The following CALN1 variants were observed in gnomAD, a reference collection of about 807,000 sequenced individuals.
CALN1 encodes the protein calneuron 1, also known as calcium-binding protein 8.
CALN1 carries 17 observed loss-of-function variants against 30.6 expected under a neutral mutation model. That is an observed-to-expected ratio of 0.56 (90% CI 0.38 to 0.83). The LOEUF (loss-of-function observed/expected upper bound fraction) is 0.83. Among genes scored for constraint, CALN1 ranks in the 40% least tolerant of loss-of-function variants. The probability of loss-of-function intolerance (pLI) is 0.00; values close to 1 mark genes in which losing one functional copy is unlikely to be tolerated. For synonymous variants in CALN1, 156 were observed against 131.4 expected (o/e 1.19, Z -1.28); for missense variants, 291 against 354.9 (o/e 0.82, Z 1.45).
chr7:72,041,970 T>C (rs1802159541), intron 4 of CALN1, among the ~76,000 whole-genome samples: 1 of 152,140 alleles, frequency 6.6e-6, no homozygotes, highest in Non-Finnish European at 1.5e-5. Context: ...CTATTTCCTT[T>C]ATAAATTACC....
intron 3 of CALN1, among the ~76,000 whole-genome samples, chr7:72,203,875 G>A (rs541839104): frequency 6.0e-5 from 9 of 151,188 alleles, no homozygotes; most frequent in African/African-American, 1.9e-4. Flanking sequence ...AAGCCAGGGG[G>A]TAAAATATAC....
In CALN1 at chr7:72,203,864, A is replaced by G. The variant is rs944299918; in HGVS notation, c.244+74822T>C. Among the ~76,000 whole-genome samples the G allele has an allele frequency of 5.9e-5, 9 of 152,242 alleles. No individual in the cohort carries two copies. In the South Asian group the frequency reaches 1.0e-3, roughly 18 times the overall value. On this transcript the variant is annotated intron_variant, in intron 3 of 6. Transcript: ENST00000395275. ...ACTAGCCCAATGCAGAAGATATACA[A>G]AAGCCAGGGGGTAAAATATACCCAT...
At chr7:72,177,750 G>GA (rs1789466276) in intron 3 of CALN1, among the ~76,000 whole-genome samples, 1 of 38,600 alleles carries the variant, frequency 2.6e-5, no homozygotes. Flanking sequence ...GGGCGACAGA[G>GA]GGAAAAAAAA....
At chr7:71,868,870 A>T (rs992904644) in intron 5 of CALN1, among the ~76,000 whole-genome samples, 4 of 152,182 alleles carry the variant, frequency 2.6e-5, no homozygotes, top group Non-Finnish European at 4.4e-5. Flanking sequence ...TGATAATAAG[A>T]GTTCAATCAC....
rs566499042 is a variant in CALN1 at position 72,272,092 on chromosome 7, C to T, written c.244+6594G>A. 9.0e-4 allele frequency among the ~76,000 whole-genome samples: 134 copies of T among 149,136 alleles called. 2 individuals are homozygous for T. Among genetic ancestry groups the T allele is most frequent in the Admixed American group, 8.6e-3 (129 of 14,984 alleles). ...AAAAAAAAAAGTCATCTAGAGGAGG[C>T]AAATAGGGGCTCCTAGAGAAAACTG... On this transcript the variant is annotated intron_variant, in intron 3 of 6. Transcript: ENST00000395275.
chr7:72,210,630 A>G (rs1792322869), intron 3 of CALN1, among the ~76,000 whole-genome samples: 1 of 152,138 alleles, frequency 6.6e-6, no homozygotes, highest in Admixed American at 6.6e-5. Context: ...AGGAACTACC[A>G]AACACTTAAA....
chr7:72,053,828 C>T (rs1802998858), intron 4 of CALN1, among the ~76,000 whole-genome samples: 1 of 144,262 alleles, frequency 6.9e-6, no homozygotes, highest in Non-Finnish European at 1.5e-5. Context: ...TCCATCGTAT[C>T]ATTCTTATGC....
intron 4 of CALN1, among the ~76,000 whole-genome samples, chr7:72,058,178 T>G (rs1430899377): frequency 6.6e-6 from 1 of 152,136 alleles, no homozygotes; most frequent in Admixed American, 6.6e-5. Flanking sequence ...CCAAGTCTTA[T>G]CCAGATGAGA....
chr7:71,814,969 G>A (rs189325735), intron 5 of CALN1, among the ~76,000 whole-genome samples: 93 of 152,060 alleles, frequency 6.1e-4, no homozygotes, highest in Middle Eastern at 3.4e-3. Flanking sequence ...GAGTGGCTGG[G>A]ACTACAGGTG....
intron 2 of CALN1, among the ~76,000 whole-genome samples, chr7:72,346,152 A>C (rs1282201915): frequency 1.3e-5 from 2 of 152,206 alleles, no homozygotes; most frequent in East Asian, 1.9e-4. Flanking sequence ...CTTTTTATTA[A>C]AGTGATCCAT....
At chr7:72,156,041 C>G (rs1404902638) in intron 3 of CALN1, among the ~76,000 whole-genome samples, 3 of 152,084 alleles carry the variant, frequency 2.0e-5, no homozygotes, top group Non-Finnish European at 4.4e-5. Flanking sequence ...TCCCTTTTGC[C>G]ATAGAAGGTA....
At chr7:72,419,819 G>T (rs1807550569) in intron 1 of CALN1, among the ~76,000 whole-genome samples, 1 of 152,174 alleles carries the variant, frequency 6.6e-6, no homozygotes, top group African/African-American at 2.4e-5. Context: ...GCTAACTTCA[G>T]ATGTGTGGTT....
chr7:72,005,474 A>G (rs1156635729), intron 5 of CALN1, among the ~76,000 whole-genome samples: 14 of 151,938 alleles, frequency 9.2e-5, no homozygotes, highest in Admixed American at 9.2e-4. Context: ...GACTACAGGC[A>G]CACACCACCA....
At chr7:72,457,769 T>G in the CALN1 span, among the ~76,000 whole-genome samples, 3 of 151,288 alleles carry the variant, frequency 2.0e-5, no homozygotes. Context: ...TTTTTTTTTT[T>G]TTTTGAGACA....
chr7:71,971,965 G>GAAAA (rs1797847174), intron 5 of CALN1, among the ~76,000 whole-genome samples: 1 of 74,734 alleles, frequency 1.3e-5, no homozygotes, highest in African/African-American at 5.2e-5. Flanking sequence ...AAGAAAGAAA[G>GAAAA]AAAGAAAGAA....
At chr7:72,469,451 C>T in the CALN1 span, among the ~76,000 whole-genome samples, 151 of 152,294 alleles carry the variant, frequency 9.9e-4, 2 homozygotes, top group African/African-American at 3.3e-3. Flanking sequence ...GGCTGGAGAG[C>T]AGTGTTGCCA....
rs138046357 is a variant in CALN1 at position 72,380,716 on chromosome 7, GATAGATAC to G, written c.119+22527_119+22534del. ...ATACATACATTAGATTAGATAGATAGATAGATACATAGATACATAGATAGATAGTGTTA... is the reference window on the plus strand; with the variant it reads ...ATACATACATTAGATTAGATAGATAGATAGATACATAGATAGATAGTGTTA... On this transcript the variant is annotated intron_variant, in intron 2 of 6. Coordinates refer to ENST00000395275, the MANE Select transcript of CALN1 (RefSeq NM_031468.4). Among the ~76,000 whole-genome samples, 95 of 150,736 alleles carry G rather than the reference GATAGATAC, an allele frequency of 6.3e-4. No homozygotes were observed. The East Asian group carries it at 7.8e-3, about 12-fold the overall frequency.
chr7:72,208,961 C>A (rs1273548513), intron 3 of CALN1, among the ~76,000 whole-genome samples: 1 of 151,826 alleles, frequency 6.6e-6, no homozygotes, highest in East Asian at 1.9e-4. Context: ...CTTCCTCCCT[C>A]CCTCCCTTTC....
intron 3 of CALN1, among the ~76,000 whole-genome samples, chr7:72,124,470 T>C (rs980651319): frequency 1.3e-5 from 2 of 152,032 alleles, no homozygotes; most frequent in African/African-American, 4.8e-5. Context: ...CCAGAACCCG[T>C]TTCTATAAAG....
Sources: gnomAD v4.1 joint callset for allele counts (sites outside exome capture counted in the v4.1 genomes callset) on GRCh38, gnomAD v4.1.1 for gene constraint, MANE v1.5 for transcripts, NCBI Gene and HGNC (gene_info 2026-07-23, HGNC 2026-07-21) for gene names.